RPS6KC1: variants seen among roughly 807,000 people sequenced by gnomAD.
The protein encoded by RPS6KC1 is inactive ribosomal protein S6 kinase delta-1.
A neutral mutation model predicts 103.8 loss-of-function variants in RPS6KC1; 54 were observed. The ratio of observed to expected loss-of-function variants is 0.52; its 90% CI spans 0.42 to 0.65. The LOEUF is 0.65. Among genes scored for constraint, RPS6KC1 ranks in the 30% least tolerant of loss-of-function variants. RPS6KC1 has a pLI of 0.00. For synonymous variants in RPS6KC1, 439 were observed against 438.7 expected (o/e 1.00, Z -0.01); for missense variants, 1,151 against 1,253.8 (o/e 0.92, Z 1.24).
chr1:213,513,031 A>G, the RPS6KC1 span, among the ~76,000 whole-genome samples: 1 of 152,208 alleles, frequency 6.6e-6, no homozygotes, highest in Non-Finnish European at 1.5e-5. Context: ...TTACATGGCA[A>G]AAGGGACTTT....
the RPS6KC1 span, chr1:213,817,801 T>C: frequency 6.6e-6 from 1 of 152,180 alleles, no homozygotes; most frequent in Non-Finnish European, 1.5e-5. Context: ...TTACAGTTTT[T>C]TTTTTTTACA....
chr1:213,079,918 CTTTTTTT>C (rs550713502), intron 3 of RPS6KC1, among the ~76,000 whole-genome samples: 2 of 130,186 alleles, frequency 1.5e-5, no homozygotes, highest in African/African-American at 2.8e-5. Context: ...TTCTTTTTTT[CTTTTTTT>C]TTTTTTTTGA....
At chr1:213,859,980 A>G in the RPS6KC1 span, among the ~76,000 whole-genome samples, 2 of 151,690 alleles carry the variant, frequency 1.3e-5, no homozygotes, top group South Asian at 4.1e-4. Flanking sequence ...TCTAAACAAA[A>G]AAAAAATCTA....
chr1:213,456,244 TC>T, the RPS6KC1 span, among the ~76,000 whole-genome samples: 1 of 152,182 alleles, frequency 6.6e-6, no homozygotes, highest in Non-Finnish European at 1.5e-5. Context: ...AGGCCTGGCT[TC>T]CTGTCTAGTT....
At chr1:213,081,978 T>C (rs2079934608) in intron 3 of RPS6KC1, among the ~76,000 whole-genome samples, 1 of 152,140 alleles carries the variant, frequency 6.6e-6, no homozygotes. Flanking sequence ...ATAGTAAATG[T>C]TTCTTGTAAG....
intron 6 of RPS6KC1, among the ~76,000 whole-genome samples, chr1:213,143,564 G>A (rs2147783203): frequency 6.6e-6 from 1 of 151,158 alleles, no homozygotes; most frequent in East Asian, 1.9e-4. Flanking sequence ...ATACATTTAG[G>A]ATTATTAAAT....
At chr1:213,088,459 T>A (rs190907530) in intron 3 of RPS6KC1, among the ~76,000 whole-genome samples, 2 of 151,712 alleles carry the variant, frequency 1.3e-5, no homozygotes, top group Admixed American at 1.3e-4. Flanking sequence ...TACCTCCGGG[T>A]TCAAGCGATT....
the RPS6KC1 span, among the ~76,000 whole-genome samples, chr1:213,398,196 C>CTTTTTTTTTTTTT: frequency 9.1e-6 from 1 of 109,478 alleles, no homozygotes; most frequent in Non-Finnish European, 1.8e-5. Flanking sequence ...CACACCTGGC[C>CTTTTTTTTTTTTT]TTTTTTTTTT....
chr1:213,059,982 A>AT (rs1483911993), intron 1 of RPS6KC1, among the ~76,000 whole-genome samples: 2 of 151,672 alleles, frequency 1.3e-5, no homozygotes, highest in Non-Finnish European at 2.9e-5. Context: ...CACCCGGCTG[A>AT]TTTTTTTGTA....
At chr1:213,837,914 A>G in the RPS6KC1 span, among the ~76,000 whole-genome samples, 1 of 152,152 alleles carries the variant, frequency 6.6e-6, no homozygotes, top group East Asian at 1.9e-4. Context: ...ATCATATCCT[A>G]CTAGATGAAT....
At chr1:213,120,514 T>A (rs2084259626) in intron 5 of RPS6KC1, among the ~76,000 whole-genome samples, 1 of 151,992 alleles carries the variant, frequency 6.6e-6, no homozygotes, top group African/African-American at 2.4e-5. Flanking sequence ...GAGAGGAACA[T>A]CTAGTAGCAA....
At chr1:213,634,957 A>G in the RPS6KC1 span, among the ~76,000 whole-genome samples, 1 of 152,212 alleles carries the variant, frequency 6.6e-6, no homozygotes, top group East Asian at 1.9e-4. Context: ...CCGATCCCAC[A>G]GAAATACAAA....
At chr1:213,779,343 C>T in the RPS6KC1 span, among the ~76,000 whole-genome samples, 2 of 152,182 alleles carry the variant, frequency 1.3e-5, no homozygotes, top group African/African-American at 4.8e-5. Flanking sequence ...ATGTAGATGA[C>T]TCATATCTCC....
the RPS6KC1 span, among the ~76,000 whole-genome samples, chr1:213,664,456 C>T: frequency 0.32 from 48,890 of 151,926 alleles, 8,109 homozygotes; most frequent in Admixed American, 0.39. Context: ...CATGAAAGAG[C>T]GTTAATGTCT....
the RPS6KC1 span, among the ~76,000 whole-genome samples, chr1:213,349,576 A>G: frequency 5.9e-5 from 9 of 152,292 alleles, no homozygotes; most frequent in Admixed American, 5.2e-4. Context: ...TTCATCAGAC[A>G]CTTAGGAGGA....
chr1:213,361,505 C>T, the RPS6KC1 span, among the ~76,000 whole-genome samples: 6 of 152,240 alleles, frequency 3.9e-5, no homozygotes, highest in African/African-American at 9.6e-5. Flanking sequence ...TTGCAGTTCC[C>T]AGGTGAGGCG....
At chr1:213,504,076 G>A in the RPS6KC1 span, among the ~76,000 whole-genome samples, 1 of 152,102 alleles carries the variant, frequency 6.6e-6, no homozygotes, top group African/African-American at 2.4e-5. Flanking sequence ...AGAACTATAT[G>A]TATATATAGA....
the RPS6KC1 span, among the ~76,000 whole-genome samples, chr1:213,468,405 A>G: frequency 6.6e-6 from 1 of 152,174 alleles, no homozygotes; most frequent in African/African-American, 2.4e-5. Flanking sequence ...GCCAACCTCA[A>G]TTACTTCCAC....
chr1:213,811,346 C>A, the RPS6KC1 span, among the ~76,000 whole-genome samples: 2 of 152,180 alleles, frequency 1.3e-5, no homozygotes, highest in South Asian at 4.1e-4. Flanking sequence ...ATGGGCTTTT[C>A]CAGAGCACAC....
Sources: gnomAD v4.1 joint callset for allele counts (sites outside exome capture counted in the v4.1 genomes callset) on GRCh38, gnomAD v4.1.1 for gene constraint, MANE v1.5 for transcripts, NCBI Gene and HGNC (gene_info 2026-07-23, HGNC 2026-07-21) for gene names.